ITFG2: variants seen among roughly 807,000 people sequenced by gnomAD.
The protein encoded by ITFG2 is integrin alpha FG-GAP repeat containing 2.
Under a neutral mutation model 54.4 loss-of-function variants are expected in ITFG2, and 36 were observed. That is an observed-to-expected ratio of 0.66 (90% CI 0.51 to 0.87). The LOEUF is 0.87. Among genes scored for constraint, ITFG2 ranks in the 40% least tolerant of loss-of-function variants. ITFG2 has a pLI of 0.00. For synonymous variants in ITFG2, 211 were observed against 225.4 expected (o/e 0.94, Z 0.57); for missense variants, 524 against 576.7 (o/e 0.91, Z 0.94).
intron 3 of ITFG2, chr12:2,858,830 G>C (rs757898539): frequency 6.8e-6 from 11 of 1,614,214 alleles, no homozygotes; most frequent in Non-Finnish European, 9.3e-6. Context: ...AGCCTGGCTT[G>C]GGGACGTCTA....
chr12:2,838,404 C>T (rs960329617), intron 1 of ITFG2, among the ~76,000 whole-genome samples: 1 of 152,138 alleles, frequency 6.6e-6, no homozygotes, highest in African/African-American at 2.4e-5. Flanking sequence ...TCTAGGGAGC[C>T]AGCCTGCCAA....
chr12:2,821,432 CT>C, intron 7 of ITFG2, 73 bp downstream of exon 7: 1 of 1,540,328 alleles, frequency 6.5e-7, no homozygotes, highest in Non-Finnish European at 8.9e-7. Context: ...AGATCCATAG[CT>C]TTCCCCTCAT....
intron 10 of ITFG2, 140 bp downstream of exon 10, chr12:2,823,051 C>G (rs1029957904): frequency 3.0e-6 from 2 of 672,520 alleles, no homozygotes; most frequent in African/African-American, 3.6e-5. Context: ...GTGAGTTCTT[C>G]AGCTCTTTTG....
chr12:2,817,917 C>T lies in ITFG2; in HGVS notation c.201C>T (p.Cys67=), dbSNP rs1565410015. 3.7e-6 allele frequency: 6 copies of T among 1,613,836 alleles called. No individual in the cohort carries two copies. Among genetic ancestry groups the T allele is most frequent in the African/African-American group, 1.3e-5 (1 of 74,992 alleles). The change falls in exon 3 of 12, where the codon TGC becomes TGT. Residue 67 remains cysteine, a synonymous_variant. Coordinates refer to ENST00000228799, the MANE Select transcript of ITFG2 (RefSeq NM_018463.4). ...LTCSCQGMLT[C]VGVGDVCNKG... ...CCCTTTCTCTCTTACAGCTGACTTGCGTTGGGGTTGGAGACGTGTGTAATA... is the reference window on the plus strand; with the variant it reads ...CCCTTTCTCTCTTACAGCTGACTTGTGTTGGGGTTGGAGACGTGTGTAATA...
At chr12:2,817,611 G>A in intron 2 of ITFG2, 1 of 513,702 alleles carries the variant, frequency 1.9e-6, no homozygotes, top group East Asian at 3.0e-5. Context: ...TCAAAAATGG[G>A]GGCAATAATT....
chr12:2,818,167 A>G lies in ITFG2; in HGVS notation c.296A>G (p.Lys99Arg). The change falls in exon 4 of 12, where the codon AAG becomes AGG. Residue 99 changes from lysine to arginine, a missense_variant. Coordinates refer to ENST00000228799, the MANE Select transcript of ITFG2 (RefSeq NM_018463.4). ...CATTTGTTTGACCTGACACCTGCCA[A>G]GGTGTTGGATGCTTCTGGGCACCAC... is the stretch of plus-strand genomic sequence containing the variant. Reference protein sequence around the residue: ...WFHLFDLTPAKVLDASGHHET... With the variant: ...WFHLFDLTPARVLDASGHHET... The G allele has an allele frequency of 6.2e-7, 1 of 1,614,140 alleles. No individual in the cohort carries two copies. Among genetic ancestry groups the G allele is most frequent in the Non-Finnish European group, 8.5e-7 (1 of 1,180,038 alleles).
chr12:2,833,640 G>T (rs149164414), upstream of ITFG2, among the ~76,000 whole-genome samples: 3 of 152,248 alleles, frequency 2.0e-5, no homozygotes, highest in East Asian at 5.8e-4. Context: ...GGAACCGAGT[G>T]CTCCCAAGCC....
intron 1 of ITFG2, among the ~76,000 whole-genome samples, chr12:2,840,602 C>G (rs901639659): frequency 1.3e-5 from 2 of 151,758 alleles, no homozygotes; most frequent in African/African-American, 4.8e-5. Context: ...CTGGCTAACA[C>G]GGTGAAACCC....
At chr12:2,846,099 G>T (rs890986419) in intron 2 of ITFG2, among the ~76,000 whole-genome samples, 4 of 152,144 alleles carry the variant, frequency 2.6e-5, no homozygotes, top group Non-Finnish European at 5.9e-5. Flanking sequence ...GCTAGGGGGC[G>T]CCAGAAGCCT....
chr12:2,851,795 C>T (rs1364454250), intron 2 of ITFG2, among the ~76,000 whole-genome samples: 3 of 152,194 alleles, frequency 2.0e-5, no homozygotes, highest in African/African-American at 7.2e-5. Flanking sequence ...TCTCCTGCCT[C>T]AGCCTCCCCA....
downstream of ITFG2, chr12:2,827,121 C>A (rs983814956): frequency 1.9e-6 from 3 of 1,593,126 alleles, no homozygotes; most frequent in Admixed American, 1.8e-5. This position sits in a 1 kb window ranked among gnomAD's most constrained non-coding sequence, Gnocchi z 4.0. Flanking sequence ...TAGTCCCCAG[C>A]TACCTGGCTT....
intron 2 of ITFG2, chr12:2,848,917 T>A: frequency 3.2e-6 from 1 of 315,450 alleles, no homozygotes. Flanking sequence ...ACACACTCCT[T>A]CCTTCCCACT....
chr12:2,815,433 C>T (rs760904352), intron 1 of ITFG2, among the ~76,000 whole-genome samples: 14 of 152,228 alleles, frequency 9.2e-5, no homozygotes, highest in Non-Finnish European at 2.1e-4. Flanking sequence ...AGAGCTTAGC[C>T]ATCACTTGAG....
chr12:2,822,860 C>T lies in ITFG2; in HGVS notation c.1015C>T (p.Arg339Cys), dbSNP rs760299620. The change falls in exon 10 of 12, where the codon CGC becomes TGC. Residue 339 changes from arginine (R) to cysteine (C), a missense_variant. By Grantham distance (180) the Arg-to-Cys change is radical (BLOSUM62 -3). Transcript: ENST00000228799. ...DGQTYIIDHNRTVVRFQVDEN... is the reference protein window; with the variant it reads ...DGQTYIIDHNCTVVRFQVDEN... Reference sequence around the variant, plus strand: ...ACAGACATATATCATTGATCACAACCGCACCGTCGTCCGCTTCCAAGTGGA... The same window carrying T: ...ACAGACATATATCATTGATCACAACTGCACCGTCGTCCGCTTCCAAGTGGA... The T allele has an allele frequency of 8.7e-6, 14 of 1,614,030 alleles. No homozygotes were observed. Among genetic ancestry groups the T allele is most frequent in the Middle Eastern group, 3.3e-4 (2 of 6,084 alleles).
downstream of ITFG2, among the ~76,000 whole-genome samples, chr12:2,831,757 TTTTC>T (rs138937616): frequency 3.0e-3 from 451 of 152,226 alleles, 10 homozygotes; most frequent in African/African-American, 0.011. Flanking sequence ...CTCTTCTTTC[TTTTC>T]TTTCTTTTTC....
chr12:2,850,503 C>T (rs184028779), intron 2 of ITFG2, among the ~76,000 whole-genome samples: 11 of 151,264 alleles, frequency 7.3e-5, no homozygotes, highest in Non-Finnish European at 1.6e-4. Flanking sequence ...AAATGGGGCC[C>T]CAGGTCATGA....
At chr12:2,854,937 G>C in intron 2 of ITFG2, 10 of 1,535,966 alleles carry the variant, frequency 6.5e-6, no homozygotes, top group Admixed American at 2.0e-5. Context: ...CCTGGGCATC[G>C]AGTGGGGGTG....
intron 2 of ITFG2, among the ~76,000 whole-genome samples, chr12:2,853,025 A>T (rs1481932751): frequency 1.3e-5 from 2 of 151,992 alleles, no homozygotes; most frequent in Non-Finnish European, 2.9e-5. Context: ...ACAAAAAAAA[A>T]CGGGGTTAAT....
At chr12:2,834,925 C>T (rs1211951857), upstream of ITFG2, 2 of 1,612,146 alleles carry the variant, frequency 1.2e-6, no homozygotes, top group Non-Finnish European at 1.7e-6. Context: ...TCCCGTGCTG[C>T]AGCTCTCTTT....
Sources: gnomAD v4.1 joint callset for allele counts (sites outside exome capture counted in the v4.1 genomes callset) on GRCh38, gnomAD v4.1.1 for gene constraint, Gnocchi (gnomAD v3.1) non-coding constraint, MANE v1.5 for transcripts, NCBI Gene and HGNC (gene_info 2026-07-23, HGNC 2026-07-21) for gene names.